ARB2A: variants seen among roughly 807,000 people sequenced by gnomAD.
ARB2A encodes cotranscriptional regulator ARB2A.
At chr5:93,879,028 T>C in the ARB2A span, among the ~76,000 whole-genome samples, 1 of 152,100 alleles carries the variant, frequency 6.6e-6, no homozygotes, top group African/African-American at 2.4e-5. Context: ...TAGAAGATAA[T>C]TTCAAATTGT....
chr5:94,057,109 G>A, the ARB2A span, among the ~76,000 whole-genome samples: 1 of 152,196 alleles, frequency 6.6e-6, no homozygotes, highest in Non-Finnish European at 1.5e-5. Flanking sequence ...GAACTTTACT[G>A]TCAGCTCTCC....
chr5:93,936,946 T>G, the ARB2A span, among the ~76,000 whole-genome samples: 1 of 150,892 alleles, frequency 6.6e-6, no homozygotes, highest in Non-Finnish European at 1.5e-5. Flanking sequence ...AAAGGTTTTT[T>G]TTTTTTTTTT....
chr5:93,905,246 T>C, the ARB2A span, among the ~76,000 whole-genome samples: 8 of 151,628 alleles, frequency 5.3e-5, no homozygotes, highest in African/African-American at 1.7e-4. Flanking sequence ...TCATTTAAAA[T>C]AGATGTAGAA....
the ARB2A span, among the ~76,000 whole-genome samples, chr5:93,842,426 G>A: frequency 6.6e-6 from 1 of 152,178 alleles, no homozygotes. Flanking sequence ...AAATACTTAT[G>A]ATCTCAGTTC....
At chr5:93,752,001 A>T in the ARB2A span, among the ~76,000 whole-genome samples, 2 of 152,220 alleles carry the variant, frequency 1.3e-5, no homozygotes. Context: ...GGCTGGGGGG[A>T]TGTGATTCCA....
At chr5:93,732,101 A>G in the ARB2A span, among the ~76,000 whole-genome samples, 3 of 152,258 alleles carry the variant, frequency 2.0e-5, no homozygotes, top group East Asian at 5.8e-4. Flanking sequence ...CCCCTTCGAT[A>G]AACCATGTAG....
the ARB2A span, among the ~76,000 whole-genome samples, chr5:93,894,898 C>A: frequency 2.7e-4 from 41 of 152,260 alleles, no homozygotes; most frequent in Non-Finnish European, 5.6e-4. Context: ...GAAAGCACTG[C>A]TTTTCCAATC....
At chr5:93,985,342 T>G in the ARB2A span, among the ~76,000 whole-genome samples, 1 of 151,962 alleles carries the variant, frequency 6.6e-6, no homozygotes, top group Non-Finnish European at 1.5e-5. Context: ...TCAAAAATAT[T>G]CACTAAGAAA....
At chr5:93,668,408 T>C in the ARB2A span, among the ~76,000 whole-genome samples, 406 of 152,358 alleles carry the variant, frequency 2.7e-3, 1 homozygote, top group African/African-American at 9.5e-3. Context: ...GCCTGGCTTG[T>C]TAAAGCTATT....
chr5:93,809,172 A>G, the ARB2A span, among the ~76,000 whole-genome samples: 3 of 152,068 alleles, frequency 2.0e-5, no homozygotes, highest in African/African-American at 7.2e-5. Context: ...TGTACAGTTC[A>G]CTATTTGAAG....
chr5:93,906,452 T>C, the ARB2A span, among the ~76,000 whole-genome samples: 11 of 151,444 alleles, frequency 7.3e-5, no homozygotes, highest in Non-Finnish European at 1.5e-4. Context: ...TTTCCACATC[T>C]GTATAATGGG....
the ARB2A span, among the ~76,000 whole-genome samples, chr5:93,672,658 G>C: frequency 6.6e-6 from 1 of 151,734 alleles, no homozygotes; most frequent in Admixed American, 6.6e-5. Flanking sequence ...ATGAGATAAA[G>C]AAGAAAAAAC....
the ARB2A span, among the ~76,000 whole-genome samples, chr5:94,041,532 A>G: frequency 2.6e-5 from 4 of 152,114 alleles, no homozygotes; most frequent in Non-Finnish European, 5.9e-5. Flanking sequence ...TAATAATAAT[A>G]AGAGCTTAAA....
At chr5:93,990,493 T>C in the ARB2A span, among the ~76,000 whole-genome samples, 1 of 151,906 alleles carries the variant, frequency 6.6e-6, no homozygotes, top group South Asian at 2.1e-4. Context: ...ATGTAGGTTC[T>C]ACTGGGAACT....
At chr5:94,050,434 T>C in the ARB2A span, among the ~76,000 whole-genome samples, 46 of 151,998 alleles carry the variant, frequency 3.0e-4, no homozygotes, top group African/African-American at 8.7e-4. Context: ...TTTGTATTTT[T>C]AGTGGAGACA....
chr5:93,770,393 G>A, the ARB2A span, among the ~76,000 whole-genome samples: 1 of 152,134 alleles, frequency 6.6e-6, no homozygotes, highest in Non-Finnish European at 1.5e-5. Flanking sequence ...TTGAAAACTG[G>A]CACAAGACAG....
chr5:93,793,239 A>ATTTTTTTTTT, the ARB2A span, among the ~76,000 whole-genome samples: 224 of 64,754 alleles, frequency 3.5e-3, 23 homozygotes, highest in South Asian at 5.1e-3. Flanking sequence ...CTTCTGGCTA[A>ATTTTTTTTTT]TTTTTTTTTT....
At chr5:93,650,163 A>AGG in the ARB2A span, among the ~76,000 whole-genome samples, 248 of 151,898 alleles carry the variant, frequency 1.6e-3, 3 homozygotes, top group African/African-American at 5.7e-3. Flanking sequence ...AGAAGGAAAA[A>AGG]AAAAAAAAGA....
chr5:93,931,149 T>A, the ARB2A span, among the ~76,000 whole-genome samples: 2 of 152,286 alleles, frequency 1.3e-5, no homozygotes, highest in African/African-American at 4.8e-5. Flanking sequence ...TCCATGTCCC[T>A]GCAAAGGACA....
Sources: allele counts gnomAD v4.1 joint callset (sites outside exome capture counted in the v4.1 genomes callset), GRCh38; gene constraint gnomAD v4.1.1; transcripts MANE v1.5; gene names NCBI Gene and HGNC (gene_info 2026-07-23, HGNC 2026-07-21).